CCL5: variants seen among roughly 807,000 people sequenced by gnomAD.
CCL5 encodes C-C motif chemokine 5.
In CCL5, 5 loss-of-function variants were observed where a neutral mutation model predicts 9.0. That is an observed-to-expected ratio of 0.55 (90% CI 0.29 to 1.16). The LOEUF (loss-of-function observed/expected upper bound fraction) is 1.16, where lower values mean the gene tolerates loss of function less well. Ranked by LOEUF, CCL5 falls within the 50% of genes most tolerant of loss-of-function variation. CCL5 has a pLI of 0.08. For synonymous variants in CCL5, 66 were observed against 72.0 expected (o/e 0.92, Z 0.42); for missense variants, 183 against 183.2 (o/e 1.00, Z 0.01).
intron 2 of CCL5, among the ~76,000 whole-genome samples, chr17:35,876,935 GT>G (rs138597635): frequency 1.3e-5 from 2 of 150,636 alleles, no homozygotes; most frequent in African/African-American, 2.4e-5. Context: ...CCCTTGTCAT[GT>G]TTTTTTTTGC....
rs769236198 is a variant in CCL5 at position 35,880,210 on chromosome 17, T to C, written c.76+20A>G. 1.2e-6 allele frequency: 2 copies of C among 1,607,772 alleles called. No individual in the cohort carries two copies. The highest frequency in any genetic ancestry group is 3.3e-5 in the Admixed American group (2 of 59,914). On this transcript the variant is annotated intron_variant, in intron 1 of 3. Transcript: ENST00000651122. ...CAGAGTCTGACTCCAGGGGCTGTGG[T>C]GGTCAAGACCAGGACTTACATGGGG...
intron 2 of CCL5, among the ~76,000 whole-genome samples, chr17:35,875,912 T>C (rs2088436598): frequency 1.3e-5 from 2 of 152,210 alleles, no homozygotes; most frequent in African/African-American, 4.8e-5. Flanking sequence ...GGCACATAGT[T>C]GATGCTTAAT....
intron 2 of CCL5, among the ~76,000 whole-genome samples, chr17:35,876,158 G>C (rs1598624718): frequency 6.6e-6 from 1 of 152,262 alleles, no homozygotes; most frequent in East Asian, 1.9e-4. Context: ...GGGGTTACGA[G>C]AGGTTAATTG....
rs41516246 is a variant in CCL5, at chr17:35,872,833, A to T, written c.271-369T>A. On this transcript the variant is annotated intron_variant, in intron 3 of 3. Coordinates refer to ENST00000651122, the MANE Select transcript of CCL5 (RefSeq NM_001278736.2). ...GCTGGGTGCTTAAGATGCAGAGAGAATAAGGTGTCCCTCAAGAACTGAGTC... is the reference window on the plus strand; with the variant it reads ...GCTGGGTGCTTAAGATGCAGAGAGATTAAGGTGTCCCTCAAGAACTGAGTC... Among the ~76,000 whole-genome samples, 292 of 152,296 alleles carry T rather than the reference A, an allele frequency of 1.9e-3. 2 individuals are homozygous for T. Among genetic ancestry groups the T allele is most frequent in the Middle Eastern group, 0.014 (4 of 294 alleles).
chr17:35,876,318 C>T (rs2088440527), intron 2 of CCL5, among the ~76,000 whole-genome samples: 1 of 152,194 alleles, frequency 6.6e-6, no homozygotes, highest in East Asian at 1.9e-4. Flanking sequence ...TCAGCCCTAA[C>T]ACCCTTTCCT....
chr17:35,875,529 T>C (rs1050366022), intron 3 of CCL5: 1 of 909,204 alleles, frequency 1.1e-6, no homozygotes. Context: ...TGTGTTCTTA[T>C]TTAGGGTGGT....
intron 1 of CCL5, 109 bp downstream of exon 1, chr17:35,880,121 C>T (rs543605744): frequency 1.2e-6 from 1 of 809,790 alleles, no homozygotes; most frequent in African/African-American, 1.7e-5. Flanking sequence ...AGACAGTATT[C>T]ATGCTACAGT....
Position 35,880,212 on chromosome 17 carries a change from G to C in CCL5, c.76+18C>G. Reference sequence around the variant, plus strand: ...GAGTCTGACTCCAGGGGCTGTGGTGGTCAAGACCAGGACTTACATGGGGAG... The same window carrying C: ...GAGTCTGACTCCAGGGGCTGTGGTGCTCAAGACCAGGACTTACATGGGGAG... On this transcript the variant is annotated intron_variant, in intron 1 of 3. Transcript: ENST00000651122. 1 of 1,610,176 alleles carries C rather than the reference G, an allele frequency of 6.2e-7. No homozygotes were observed. The highest frequency in any genetic ancestry group is 8.5e-7 in the Non-Finnish European group (1 of 1,176,862).
rs780510680 is a variant in CCL5 at position 35,880,293 on chromosome 17, C to T, written c.13G>A (p.Ala5Thr). 9.2e-5 allele frequency: 148 copies of T among 1,612,324 alleles called. 2 individuals are homozygous for T. The South Asian group carries it at 1.4e-3, about 15-fold the overall frequency. Residue 5 changes from alanine (A) to threonine (T), a missense_variant, in exon 1 of 4, where the codon GCG becomes ACG. Physicochemically the swap from Ala to Thr is moderately conservative, Grantham distance 58. Coordinates refer to ENST00000651122, the MANE Select transcript of CCL5 (RefSeq NM_001278736.2). ...ATGAGGATGACAGCGAGGGCTGCCG[C>T]GGAGACCTTCATGGTACCTGTGGGA...
At chr17:35,880,154 A>G (rs987673490) in intron 1 of CCL5, 76 bp downstream of exon 1, 10 of 1,100,298 alleles carry the variant, frequency 9.1e-6, no homozygotes, top group Non-Finnish European at 1.4e-5. Context: ...AAGGTGTGGG[A>G]CAGTCATTGG....
chr17:35,880,103 T>C, intron 1 of CCL5, 127 bp downstream of exon 1: 1 of 733,294 alleles, frequency 1.4e-6, no homozygotes. Flanking sequence ...ATGTAAATAA[T>C]GGGGTTCAGA....
rs377415776 is a variant in CCL5, at chr17:35,880,235, G to A, written c.71C>T (p.Ser24Phe). The A allele has an allele frequency of 3.7e-6, 6 of 1,613,820 alleles. No individual in the cohort carries two copies. The African/African-American group carries it at 8.0e-5, about 22-fold the overall frequency. Residue 24 changes from serine (S) to phenylalanine (F), a missense_variant, in exon 1 of 4, where the codon TCC becomes TTC. Ser to Phe is a radical substitution (Grantham distance 155). Transcript: ENST00000651122. The stretch of plus-strand genomic sequence containing the variant: ...TGGTCAAGACCAGGACTTACATGGG[G>A]AGGCAGATGCAGGAGCGCAGAGGGC...
In CCL5 at chr17:35,872,263, G is replaced by T; in HGVS notation, c.*7C>A. The T allele has an allele frequency of 6.5e-7, 1 of 1,537,506 alleles. No homozygotes were observed. Among genetic ancestry groups the T allele is most frequent in the Non-Finnish European group, 8.8e-7 (1 of 1,137,620 alleles). ...TAACTGCTGCTGTGTGGTAGAATCT[G>T]GGCCCTTCAAGGAGCGGGTGGGGTA... On this transcript the variant is annotated 3_prime_UTR_variant, in exon 4 of 4. Transcript: ENST00000651122.
chr17:35,876,322 C>A (rs1239391177), intron 2 of CCL5, among the ~76,000 whole-genome samples: 4 of 152,228 alleles, frequency 2.6e-5, no homozygotes, highest in African/African-American at 7.2e-5. Flanking sequence ...CCCTAACACC[C>A]TTTCCTCAGC....
At position 35,878,540 on chromosome 17, in the gene CCL5, T is replaced by A; in HGVS notation, c.176A>T (p.Asn59Ile). ...GGCTGAGACTCACACGACTGCTGGGTTGGAGCACTTGCCACTGGTGTAGAA... is the reference window on the plus strand; with the variant it reads ...GGCTGAGACTCACACGACTGCTGGGATGGAGCACTTGCCACTGGTGTAGAA... The change falls in exon 2 of 4, where the codon AAC becomes ATC. Residue 59 changes from asparagine (N) to isoleucine (I), a missense_variant. Coordinates refer to ENST00000651122, the MANE Select transcript of CCL5 (RefSeq NM_001278736.2). 6.2e-7 allele frequency: 1 copy of A among 1,613,082 alleles called. No homozygotes were observed. Among genetic ancestry groups the A allele is most frequent in the Non-Finnish European group, 8.5e-7 (1 of 1,179,260 alleles).
rs761852622 is a variant in CCL5 at position 35,880,352 on chromosome 17, C to G, written c.-47G>C. 2.9e-5 allele frequency: 44 copies of G among 1,503,420 alleles called. No individual in the cohort carries two copies. The highest frequency in any genetic ancestry group is 4.1e-5 in the African/African-American group (3 of 72,662). 93.1% of individuals were successfully genotyped at this position (1,503,420 alleles called of 1,614,324 possible). A position where few individuals can be genotyped will look rare whatever the true frequency, so the allele number is the denominator to read the frequency against. ...GCGAGGTCCACGTGCTGTCTTGATCCTCTGCAGGAATCCTCTGCAGCTCAG... is the reference window on the plus strand; with the variant it reads ...GCGAGGTCCACGTGCTGTCTTGATCGTCTGCAGGAATCCTCTGCAGCTCAG... On this transcript the variant is annotated 5_prime_UTR_variant, in exon 1 of 4. Transcript: ENST00000651122.
Position 35,880,225 on chromosome 17 carries a change from C to T in CCL5, c.76+5G>A, listed in dbSNP as rs1303970970. 2 of 1,613,336 alleles carry T rather than the reference C, an allele frequency of 1.2e-6. No homozygotes were observed. The highest frequency in any genetic ancestry group is 1.1e-5 in the South Asian group (1 of 90,930). ...GGGGCTGTGGTGGTCAAGACCAGGA[C>T]TTACATGGGGAGGCAGATGCAGGAG... On this transcript the variant is annotated splice_donor_5th_base_variant and intron_variant, in intron 1 of 3. Coordinates refer to ENST00000651122, the MANE Select transcript of CCL5 (RefSeq NM_001278736.2).
rs1462895918 is a variant in CCL5, at chr17:35,880,276, G to T, written c.30C>A (p.Val10=). ...CGCAGAGGGCAGTAGCAATGAGGAT[G>T]ACAGCGAGGGCTGCCGCGGAGACCT... The change falls in exon 1 of 4, where the codon GTC becomes GTA. Residue 10 remains valine (V), a synonymous_variant. Transcript: ENST00000651122. 3 of 1,613,608 alleles carry T rather than the reference G, an allele frequency of 1.9e-6. No homozygotes were observed. The highest frequency in any genetic ancestry group is 1.7e-6 in the Non-Finnish European group (2 of 1,179,878).
At chr17:35,874,359 GA>G (rs2088414915) in intron 3 of CCL5, among the ~76,000 whole-genome samples, 1 of 152,136 alleles carries the variant, frequency 6.6e-6, no homozygotes, top group Non-Finnish European at 1.5e-5. Context: ...GTAGTGACAT[GA>G]ACACAACTCA....
Sources: allele counts gnomAD v4.1 joint callset (sites outside exome capture counted in the v4.1 genomes callset), GRCh38; gene constraint gnomAD v4.1.1; transcripts MANE v1.5; gene names NCBI Gene and HGNC (gene_info 2026-07-23, HGNC 2026-07-21).